The following ADGRL3 variants were observed in gnomAD, a reference collection of about 807,000 sequenced individuals.
ADGRL3 encodes the protein adhesion G protein-coupled receptor L3, also known as calcium-independent alpha-latrotoxin receptor 3.
ADGRL3 carries 62 observed loss-of-function variants against 153.5 expected under a neutral mutation model. The observed-to-expected ratio is 0.40, with a 90% CI of 0.33 to 0.50. The LOEUF (loss-of-function observed/expected upper bound fraction) is 0.50, where lower values mean the gene tolerates loss of function less well. Ranked by LOEUF, ADGRL3 falls within the 20% of genes least tolerant of loss-of-function variation. ADGRL3 has a pLI of 0.47. For missense variants in ADGRL3, 1,641 were observed against 1,859.4 expected, an observed-to-expected ratio of 0.88 and a Z score of 2.16; for synonymous variants, 710 against 672.5, an observed-to-expected ratio of 1.06 and a Z score of -0.86.
At chr4:61,976,830 G>A (rs1237192047) in intron 17 of ADGRL3, among the ~76,000 whole-genome samples, 1 of 152,084 alleles carries the variant, frequency 6.6e-6, no homozygotes, top group East Asian at 1.9e-4. Context: ...ACCCAGTCTT[G>A]GGTATGTCTT....
chr4:61,977,489 C>T (rs1392061111), intron 17 of ADGRL3, among the ~76,000 whole-genome samples: 1 of 152,126 alleles, frequency 6.6e-6, no homozygotes, highest in Non-Finnish European at 1.5e-5. Flanking sequence ...GAGAACAAAG[C>T]AGTTAAAGCA....
intron 13 of ADGRL3, among the ~76,000 whole-genome samples, chr4:61,919,511 A>G (rs906448515): frequency 3.9e-5 from 6 of 152,208 alleles, no homozygotes; most frequent in Non-Finnish European, 7.3e-5. Context: ...CTACAAAACC[A>G]GAGTACTGTA....
intron 2 of ADGRL3, among the ~76,000 whole-genome samples, chr4:61,462,916 A>T (rs1385679800): frequency 1.3e-5 from 2 of 152,172 alleles, no homozygotes; most frequent in African/African-American, 2.4e-5. Flanking sequence ...GCCTAGTCAG[A>T]ACTGTTTCAA....
At chr4:61,750,992 A>T (rs1050739544) in intron 8 of ADGRL3, among the ~76,000 whole-genome samples, 2 of 152,128 alleles carry the variant, frequency 1.3e-5, no homozygotes, top group African/African-American at 4.8e-5. Flanking sequence ...GATGTTGAGC[A>T]GCAGGTGAGC....
chr4:61,965,862 A>G (rs537770194), intron 17 of ADGRL3, among the ~76,000 whole-genome samples: 9 of 152,328 alleles, frequency 5.9e-5, no homozygotes, highest in African/African-American at 2.2e-4. Flanking sequence ...GTATCATTAC[A>G]ATGTAAATAA....
intron 4 of ADGRL3, among the ~76,000 whole-genome samples, chr4:61,567,539 C>G (rs2098821343): frequency 6.6e-6 from 1 of 152,134 alleles, no homozygotes; most frequent in Admixed American, 6.5e-5. Context: ...GGGGTCCTCA[C>G]TAGACACCAT....
At chr4:61,883,410 A>C (rs527756532) in intron 9 of ADGRL3, among the ~76,000 whole-genome samples, 12 of 152,308 alleles carry the variant, frequency 7.9e-5, no homozygotes, top group African/African-American at 2.6e-4. Flanking sequence ...GGAATAAATA[A>C]CAATATTACT....
intron 17 of ADGRL3, among the ~76,000 whole-genome samples, chr4:61,977,106 G>A (rs1489533455): frequency 1.3e-5 from 2 of 152,074 alleles, no homozygotes; most frequent in South Asian, 2.1e-4. Flanking sequence ...AACTCTGCAT[G>A]GAGTTTTTGA....
intron 4 of ADGRL3, among the ~76,000 whole-genome samples, chr4:61,529,576 A>G (rs2098599537): frequency 1.3e-5 from 2 of 152,170 alleles, no homozygotes; most frequent in African/African-American, 4.8e-5. Context: ...ATTATTTTAT[A>G]TCTATAAGTT....
intron 3 of ADGRL3, among the ~76,000 whole-genome samples, chr4:61,500,252 T>C (rs1043976161): frequency 6.6e-6 from 1 of 152,190 alleles, no homozygotes; most frequent in Non-Finnish European, 1.5e-5. Context: ...TAGAAGCTTT[T>C]TACTTATAAA....
At chr4:61,254,323 A>G (rs1048554043) in intron 1 of ADGRL3, among the ~76,000 whole-genome samples, 1 of 152,172 alleles carries the variant, frequency 6.6e-6, no homozygotes, top group Non-Finnish European at 1.5e-5. Flanking sequence ...TTAATGAGTT[A>G]GGGATATAGT....
chr4:61,597,358 T>A (rs931391674), intron 5 of ADGRL3, among the ~76,000 whole-genome samples: 14 of 152,144 alleles, frequency 9.2e-5, no homozygotes, highest in African/African-American at 2.7e-4. Context: ...GAGTAGATGA[T>A]AATTGAACTA....
intron 1 of ADGRL3, among the ~76,000 whole-genome samples, chr4:61,237,813 C>G (rs1753408325): frequency 6.6e-6 from 1 of 152,080 alleles, no homozygotes; most frequent in Non-Finnish European, 1.5e-5. Flanking sequence ...CTTTTAGGAG[C>G]CAGGTGATAT....
intron 6 of ADGRL3, among the ~76,000 whole-genome samples, chr4:61,690,218 G>T (rs2151112172): frequency 6.6e-6 from 1 of 152,280 alleles, no homozygotes; most frequent in East Asian, 1.9e-4. Context: ...GCCAAGGCGG[G>T]AGGATGGCTT....
intron 8 of ADGRL3, among the ~76,000 whole-genome samples, chr4:61,758,276 G>A (rs531547129): frequency 6.6e-6 from 1 of 152,238 alleles, no homozygotes; most frequent in East Asian, 1.9e-4. Context: ...GGTGACAGTG[G>A]GGTGTTAAAA....
At chr4:61,614,881 A>T (rs1192741588) in intron 5 of ADGRL3, among the ~76,000 whole-genome samples, 1 of 152,138 alleles carries the variant, frequency 6.6e-6, no homozygotes, top group African/African-American at 2.4e-5. Context: ...CTCTATGAGC[A>T]TAGAGACTTT....
At chr4:61,283,791 A>C (rs1487773055) in intron 1 of ADGRL3, among the ~76,000 whole-genome samples, 1 of 151,964 alleles carries the variant, frequency 6.6e-6, no homozygotes, top group Non-Finnish European at 1.5e-5. Context: ...CCTGTTTGCA[A>C]ATAGCTGGGC....
chr4:61,491,226 T>C (rs75539472), intron 2 of ADGRL3, among the ~76,000 whole-genome samples: 2 of 152,280 alleles, frequency 1.3e-5, no homozygotes, highest in East Asian at 3.9e-4. Context: ...TGTCACTTCG[T>C]AGGGCATGGA....
chr4:61,645,589 T>C (rs1286909136), intron 5 of ADGRL3, among the ~76,000 whole-genome samples: 1 of 152,202 alleles, frequency 6.6e-6, no homozygotes, highest in African/African-American at 2.4e-5. Context: ...AAAATTCTTT[T>C]CTTTAACAAT....
Sources: gnomAD v4.1 joint callset for allele counts (sites outside exome capture counted in the v4.1 genomes callset) on GRCh38, gnomAD v4.1.1 for gene constraint, MANE v1.5 for transcripts, NCBI Gene and HGNC (gene_info 2026-07-23, HGNC 2026-07-21) for gene names.